Variants in PCDHGB3 observed in about 807,000 individuals in gnomAD.
PCDHGB3 encodes protocadherin gamma-B3.
In PCDHGB3, 40 loss-of-function variants were observed where a neutral mutation model predicts 59.2. That is an observed-to-expected ratio of 0.68 (90% CI 0.52 to 0.88). The LOEUF (loss-of-function observed/expected upper bound fraction) is 0.88, where lower values mean the gene tolerates loss of function less well. PCDHGB3 is among the 40% of genes least tolerant of loss of function. The pLI is 0.00. For missense variants in PCDHGB3, 1,309 were observed against 1,187.9 expected (o/e 1.10, Z -1.50); for synonymous variants, 581 against 503.6 (o/e 1.15, Z -2.06).
chr5:141,390,158 A>G, intron 1 of PCDHGB3: 1 of 1,614,042 alleles, frequency 6.2e-7, no homozygotes, highest in Non-Finnish European at 8.5e-7. Context: ...CACATACAGG[A>G]AAGACGGAGT....
chr5:141,432,367 C>A lies in PCDHGB3; in HGVS notation c.2415+59558C>A, dbSNP rs2097491556. 6.2e-7 allele frequency: 1 copy of A among 1,614,246 alleles called. No individual in the cohort carries two copies. The highest frequency in any genetic ancestry group is 8.5e-7 in the Non-Finnish European group (1 of 1,180,040). The stretch of plus-strand genomic sequence containing the variant: ...TGCAAGTGAAAGTGATGGCGCGGGA[C>A]AACGGGCACCCGCCCCTCAGCAGCA... On this transcript the variant is annotated intron_variant, in intron 1 of 3. Transcript: ENST00000576222. This position sits in a 1 kb window ranked among gnomAD's most constrained non-coding sequence, Gnocchi z 6.0.
intron 1 of PCDHGB3, among the ~76,000 whole-genome samples, chr5:141,465,031 C>T (rs933448980): frequency 1.3e-5 from 2 of 151,958 alleles, no homozygotes; most frequent in Non-Finnish European, 1.5e-5. Context: ...CATGAACCAC[C>T]ACAAATGACC....
chr5:141,441,852 G>T (rs1169073404), intron 1 of PCDHGB3: 2 of 352,708 alleles, frequency 5.7e-6, no homozygotes, highest in African/African-American at 2.2e-5. Flanking sequence ...TGGATATGGT[G>T]CTGCACGCCG....
In PCDHGB3 at chr5:141,376,683, T is replaced by TTTTTTTTTG. The variant is rs1773156952; in HGVS notation, c.2415+3882_2415+3883insGTTTTTTTT. 4 of 803,912 alleles carry TTTTTTTTTG rather than the reference T, an allele frequency of 5.0e-6. 1 individual carries two copies. The highest frequency in any genetic ancestry group is 3.9e-5 in the African/African-American group (2 of 51,902). 49.8% of individuals were successfully genotyped at this position (803,912 alleles called of 1,614,324 possible). A position where few individuals can be genotyped will look rare whatever the true frequency, so the allele number is the denominator to read the frequency against. On this transcript the variant is annotated intron_variant, in intron 1 of 3. Coordinates refer to ENST00000576222, the MANE Select transcript of PCDHGB3 (RefSeq NM_018924.5). ...TGTTCAGGTGAGGGTATCGTTTTTT[T>TTTTTTTTTG]TTTTTTTTTTTTTTGAGACGGAGTC...
At chr5:141,509,128 A>C (rs995210331) in intron 3 of PCDHGB3, among the ~76,000 whole-genome samples, 8 of 151,958 alleles carry the variant, frequency 5.3e-5, no homozygotes, top group African/African-American at 1.7e-4. Flanking sequence ...TGAAGAGAAA[A>C]ACCGAGGCGC....
In PCDHGB3 at chr5:141,371,091, G is replaced by A. The variant is rs1414973980; in HGVS notation, c.697G>A (p.Ala233Thr). The change falls in exon 1 of 4, where the codon GCA becomes ACA. Residue 233 changes from alanine to threonine, a missense_variant. Coordinates refer to ENST00000576222, the MANE Select transcript of PCDHGB3 (RefSeq NM_018924.5). Reference sequence around the variant, plus strand: ...TACCACCCAGATCAGGGTAATTGTCGCAGATGCAAATGATAACCCCCCAGT... The same window carrying A: ...TACCACCCAGATCAGGGTAATTGTCACAGATGCAAATGATAACCCCCCAGT... ...SCTTQIRVIVADANDNPPVFT... is the reference protein window; with the variant it reads ...SCTTQIRVIVTDANDNPPVFT... 14 of 1,613,670 alleles carry A rather than the reference G, an allele frequency of 8.7e-6. No homozygotes were observed. Among genetic ancestry groups the A allele is most frequent in the Non-Finnish European group, 1.1e-5 (13 of 1,179,752 alleles).
At position 141,491,168 on chromosome 5, in the gene PCDHGB3, A is replaced by T. The variant is rs1293664414; in HGVS notation, c.2416-3639A>T. On this transcript the variant is annotated intron_variant, in intron 1 of 3. Transcript: ENST00000576222. This position sits in a 1 kb window ranked among gnomAD's most constrained non-coding sequence, Gnocchi z 6.9. ...CTGGAGGATGACTCTGACACCCAGC[A>T]GGTGGTGGTCCTGGTGAGGGACAAT... 3.1e-6 allele frequency: 5 copies of T among 1,614,160 alleles called. No individual in the cohort carries two copies. The highest frequency in any genetic ancestry group is 4.2e-6 in the Non-Finnish European group (5 of 1,179,988).
At chr5:141,377,523 G>C (rs937581595) in intron 1 of PCDHGB3, 1 of 151,990 alleles carries the variant, frequency 6.6e-6, no homozygotes, top group Non-Finnish European at 1.5e-5. Flanking sequence ...TTAAGTCCAG[G>C]GGTATGAGGC....
At chr5:141,455,225 C>CA (rs2098817003) in intron 1 of PCDHGB3, among the ~76,000 whole-genome samples, 2 of 151,666 alleles carry the variant, frequency 1.3e-5, no homozygotes, top group South Asian at 2.1e-4. Context: ...AATGCTTTGA[C>CA]AAAAAATGTT....
intron 1 of PCDHGB3, chr5:141,433,010 C>A (rs1392666523): frequency 6.2e-7 from 1 of 1,614,178 alleles, no homozygotes. Flanking sequence ...GGCTTTCCTG[C>A]AGACCTATTC....
chr5:141,374,832 G>C, intron 1 of PCDHGB3: 13 of 1,613,908 alleles, frequency 8.1e-6, no homozygotes, highest in Non-Finnish European at 1.1e-5. Context: ...TACCGTGTAA[G>C]TGTTCCTGAA....
At chr5:141,445,420 T>C (rs968387442) in intron 1 of PCDHGB3, among the ~76,000 whole-genome samples, 3 of 152,204 alleles carry the variant, frequency 2.0e-5, no homozygotes, top group Admixed American at 6.5e-5. Context: ...GTCTGCTATA[T>C]GCAAGGCACT....
intron 1 of PCDHGB3, chr5:141,388,455 T>C: frequency 6.2e-7 from 1 of 1,613,784 alleles, no homozygotes; most frequent in South Asian, 1.1e-5. Flanking sequence ...TGGCAGTAAA[T>C]ACCCTGAGAT....
intron 1 of PCDHGB3, chr5:141,478,393 G>A (rs2099452978): frequency 6.2e-7 from 1 of 1,613,488 alleles, no homozygotes; most frequent in South Asian, 1.1e-5. Flanking sequence ...TTTACCATCA[G>A]GTGTATCTCA....
At chr5:141,418,800 G>A in intron 1 of PCDHGB3, 1 of 1,613,800 alleles carries the variant, frequency 6.2e-7, no homozygotes, top group African/African-American at 1.3e-5. Context: ...GAAGTAGAAA[G>A]ATATACGATA....
At chr5:141,478,694 T>A (rs2099472305) in intron 1 of PCDHGB3, 1 of 1,550,598 alleles carries the variant, frequency 6.4e-7, no homozygotes, top group Admixed American at 2.0e-5. Flanking sequence ...TAGATCAAAG[T>A]TAGTGCCTTT....
At chr5:141,418,163 T>G in intron 1 of PCDHGB3, 1 of 1,614,002 alleles carries the variant, frequency 6.2e-7, no homozygotes, top group Non-Finnish European at 8.5e-7. Context: ...GAGAAGAAGA[T>G]GTGAGTTGCA....
At chr5:141,475,448 G>C (rs774710049) in intron 1 of PCDHGB3, among the ~76,000 whole-genome samples, 1 of 152,214 alleles carries the variant, frequency 6.6e-6, no homozygotes, top group African/African-American at 2.4e-5. Context: ...CAGATAATGA[G>C]GAAGTGACAG....
At chr5:141,398,223 G>C (rs995722310) in intron 1 of PCDHGB3, 1 of 1,482,728 alleles carries the variant, frequency 6.7e-7, no homozygotes, top group South Asian at 1.3e-5. Context: ...TCTGTGAGCA[G>C]ATCCGCTACA....
Sources: allele counts gnomAD v4.1 joint callset (sites outside exome capture counted in the v4.1 genomes callset), GRCh38; gene constraint gnomAD v4.1.1; non-coding constraint Gnocchi (gnomAD v3.1); transcripts MANE v1.5; gene names NCBI Gene and HGNC (gene_info 2026-07-23, HGNC 2026-07-21).